NKTR: variants seen among roughly 807,000 people sequenced by gnomAD.
NKTR encodes the protein natural killer cell triggering receptor.
In NKTR, 67 loss-of-function variants were observed where a neutral mutation model predicts 156.3. That is an observed-to-expected ratio of 0.43 (90% CI 0.35 to 0.53). The LOEUF is 0.53. Ranked by LOEUF, NKTR falls within the 20% of genes least tolerant of loss-of-function variation. The pLI is 0.01. For synonymous variants in NKTR, 640 were observed against 596.6 expected (o/e 1.07, Z -1.06); for missense variants, 1,604 against 1,730.9 (o/e 0.93, Z 1.30).
intron 2 of NKTR, among the ~76,000 whole-genome samples, chr3:42,604,305 A>G (rs1248658732): frequency 6.6e-6 from 1 of 151,448 alleles, no homozygotes; most frequent in Non-Finnish European, 1.5e-5. Flanking sequence ...CTTTCTTTCT[A>G]ATGCTTGCTT....
chr3:42,600,956 T>TC, intron 1 of NKTR, 28 bp from the exon 2 acceptor site: 1 of 1,358,824 alleles, frequency 7.4e-7, no homozygotes, highest in Non-Finnish European at 1.0e-6. Flanking sequence ...GCCCCTGCCC[T>TC]GACCGCTTTT....
At chr3:42,636,791 T>C (rs1278198755) in intron 12 of NKTR, 77 bp from the exon 13 acceptor site, 12 of 1,486,146 alleles carry the variant, frequency 8.1e-6, no homozygotes, top group Non-Finnish European at 1.1e-5. Context: ...AAGAACTTTG[T>C]TGTTAACAAA....
At chr3:42,603,360 TAAAAAAAAA>T (rs376932471) in intron 2 of NKTR, among the ~76,000 whole-genome samples, 21,165 of 92,670 alleles carry the variant, frequency 0.23, 1,942 homozygotes, top group African/African-American at 0.33. Flanking sequence ...ATCTTGTTTC[TAAAAAAAAA>T]AAAAAAAAAA....
At chr3:42,616,734 C>G (rs1034794951) in intron 2 of NKTR, among the ~76,000 whole-genome samples, 13 of 152,118 alleles carry the variant, frequency 8.5e-5, no homozygotes, top group Non-Finnish European at 1.8e-4. Context: ...TTTCTGCTCT[C>G]TCAGGGGATA....
At position 42,633,759 on chromosome 3, in the gene NKTR, T is replaced by A. The variant is rs761706935; in HGVS notation, c.929+24T>A. On this transcript the variant is annotated intron_variant, in intron 10 of 16. Transcript: ENST00000232978. ...CCGTAAGTAGGATGACTAAACTATT[T>A]ATTTTTATTTCTCCGATAACACTGT... The A allele has an allele frequency of 1.3e-5, 21 of 1,613,160 alleles. No homozygotes were observed. The South Asian group carries it at 1.5e-4, about 12-fold the overall frequency.
intron 6 of NKTR, among the ~76,000 whole-genome samples, chr3:42,624,250 G>T (rs1028107112): frequency 2.0e-5 from 3 of 151,662 alleles, no homozygotes; most frequent in African/African-American, 7.3e-5. Flanking sequence ...GCTCTCGGGG[G>T]TCTATATAGA....
At chr3:42,633,793 C>T (rs987321573) in intron 10 of NKTR, 58 bp downstream of exon 10, 1 of 1,590,782 alleles carries the variant, frequency 6.3e-7, no homozygotes, top group African/African-American at 1.3e-5. Flanking sequence ...GTTCCGTCAG[C>T]TCATTGCATT....
chr3:42,644,917 G>T (rs191680642), intron 16 of NKTR, among the ~76,000 whole-genome samples: 1 of 152,142 alleles, frequency 6.6e-6, no homozygotes, highest in Non-Finnish European at 1.5e-5. Flanking sequence ...TAAATTACTT[G>T]TCTTGCTGAC....
In NKTR at chr3:42,637,692, C is replaced by T. The variant is rs370381517; in HGVS notation, c.1988C>T (p.Ser663Phe). The T allele has an allele frequency of 3.7e-6, 6 of 1,613,980 alleles. No homozygotes were observed. The highest frequency in any genetic ancestry group is 5.1e-6 in the Non-Finnish European group (6 of 1,179,934). Reference sequence around the variant, plus strand: ...ATTAAAGAGACTGGTAGCTCATCATCCTACCATAAAAGAGAAAAAAATTCG... The same window carrying T: ...ATTAAAGAGACTGGTAGCTCATCATTCTACCATAAAAGAGAAAAAAATTCG... ...ANIKETGSSSSYHKREKNSES... is the reference protein window; with the variant it reads ...ANIKETGSSSFYHKREKNSES... Residue 663 changes from serine (S) to phenylalanine (F), a missense_variant, in exon 13 of 17, where the codon TCC becomes TTC. Around this residue, in one of 6 missense-constraint regions of NKTR, gnomAD observed 1,255 missense variants for 1,243.7 expected, o/e 1.01. Transcript: ENST00000232978.
chr3:42,608,014 A>ATTTTT (rs1706401384), intron 2 of NKTR, among the ~76,000 whole-genome samples: 1 of 53,094 alleles, frequency 1.9e-5, no homozygotes, highest in Non-Finnish European at 4.4e-5. Flanking sequence ...TTTTTTTTTG[A>ATTTTT]GTTTCCTTCT....
Position 42,633,593 on chromosome 3 carries a change from A to G in NKTR, c.787A>G (p.Ser263Gly). 2 of 1,614,000 alleles carry G rather than the reference A, an allele frequency of 1.2e-6. No homozygotes were observed. The highest frequency in any genetic ancestry group is 2.2e-5 in the East Asian group (1 of 44,860). The change falls in exon 10 of 17, where the codon AGT becomes GGT. Residue 263 changes from serine (S) to glycine (G), a missense_variant. Ser to Gly is a moderately conservative substitution (Grantham distance 56, BLOSUM62 0). Coordinates refer to ENST00000232978, the MANE Select transcript of NKTR (RefSeq NM_005385.4). ...GTTTGTTCTAAGTCACTCTGAGAGG[A>G]GTGATACCAATGAAAAAAGGTCAGT... Reference protein sequence around the residue: ...AMNPKGHSERSDTNEKRSVDS... With the variant: ...AMNPKGHSERGDTNEKRSVDS...
At chr3:42,617,896 A>G (rs767630778) in intron 3 of NKTR, among the ~76,000 whole-genome samples, 1 of 152,190 alleles carries the variant, frequency 6.6e-6, no homozygotes, top group African/African-American at 2.4e-5. Context: ...AATCTTCTCT[A>G]TACATTTTAA....
At chr3:42,629,799 T>C in intron 6 of NKTR, 1 of 985,474 alleles carries the variant, frequency 1.0e-6, no homozygotes, top group Non-Finnish European at 1.2e-6. Flanking sequence ...AAATATACCC[T>C]GTAGGCTTCC....
At chr3:42,620,224 T>A (rs1199240641) in intron 5 of NKTR, 1 of 1,271,752 alleles carries the variant, frequency 7.9e-7, no homozygotes, top group Non-Finnish European at 9.9e-7. Flanking sequence ...CAATGGGTTA[T>A]TAATTTCACA....
intron 5 of NKTR, chr3:42,620,030 T>C: frequency 6.5e-7 from 1 of 1,534,636 alleles, no homozygotes; most frequent in Non-Finnish European, 8.7e-7. Flanking sequence ...TGTGGTCTTT[T>C]GCAAAATGAA....
At chr3:42,619,377 A>G (rs945779644) in intron 4 of NKTR, 17 of 1,183,566 alleles carry the variant, frequency 1.4e-5, no homozygotes, top group Non-Finnish European at 1.8e-5. Context: ...TTCCTTTACA[A>G]TGAATGCCAA....
chr3:42,619,657 T>G lies in NKTR; in HGVS notation c.242-7T>G. 1 of 1,605,608 alleles carries G rather than the reference T, an allele frequency of 6.2e-7. No homozygotes were observed. Among genetic ancestry groups the G allele is most frequent in the Non-Finnish European group, 8.5e-7 (1 of 1,173,316 alleles). Reference sequence around the variant, plus strand: ...CATTATGGCTTAAAGTAGGTGATTATTTGCAGGTAATGGAAAAGGTGGAGA... The same window carrying G: ...CATTATGGCTTAAAGTAGGTGATTAGTTGCAGGTAATGGAAAAGGTGGAGA... On this transcript the variant is annotated splice_polypyrimidine_tract_variant and splice_region_variant and intron_variant, in intron 4 of 16. Transcript: ENST00000232978.
intron 2 of NKTR, among the ~76,000 whole-genome samples, chr3:42,610,650 A>G (rs923214828): frequency 2.6e-5 from 4 of 151,908 alleles, no homozygotes; most frequent in African/African-American, 9.7e-5. Context: ...TCAATAAACT[A>G]TATTAGTAGA....
intron 6 of NKTR, among the ~76,000 whole-genome samples, chr3:42,625,767 C>T (rs969152745): frequency 6.6e-5 from 10 of 152,058 alleles, no homozygotes; most frequent in Non-Finnish European, 1.2e-4. Context: ...CAAAGATGTT[C>T]GTGAAACTTA....
Sources: allele counts gnomAD v4.1 joint callset (sites outside exome capture counted in the v4.1 genomes callset), GRCh38; gene constraint gnomAD v4.1.1; regional missense constraint gnomAD v4.1.1; transcripts MANE v1.5; gene names NCBI Gene and HGNC (gene_info 2026-07-23, HGNC 2026-07-21).